The following PDE11A variants were observed in gnomAD, a reference collection of about 807,000 sequenced individuals.
PDE11A encodes the protein phosphodiesterase 11A.
PDE11A carries 100 observed loss-of-function variants against 100.5 expected under a neutral mutation model. The ratio of observed to expected loss-of-function variants is 1.00; its 90% confidence interval spans 0.85 to 1.18. The LOEUF (loss-of-function observed/expected upper bound fraction) is 1.18. Among genes scored for constraint, PDE11A ranks in the 50% most tolerant of loss-of-function variants. The pLI is 0.00. For synonymous variants in PDE11A, 381 were observed against 420.8 expected (o/e 0.91, Z 1.16); for missense variants, 1,141 against 1,152.6 (o/e 0.99, Z 0.15).
chr2:177,840,996 T>C (rs1030498821), intron 5 of PDE11A, among the ~76,000 whole-genome samples: 1 of 152,230 alleles, frequency 6.6e-6, no homozygotes, highest in African/African-American at 2.4e-5. Flanking sequence ...ATAGCCCATA[T>C]ACCACTTACA....
intron 2 of PDE11A, among the ~76,000 whole-genome samples, chr2:177,916,927 A>ATTTTTTT (rs1183483256): frequency 1.2e-4 from 13 of 105,306 alleles, no homozygotes; most frequent in African/African-American, 2.1e-4. Flanking sequence ...CGCCCGGCTA[A>ATTTTTTT]TTTTTTTTTT....
chr2:177,830,601 A>AAATAATAATAATAAT (rs56365605), intron 6 of PDE11A, among the ~76,000 whole-genome samples: 16 of 140,032 alleles, frequency 1.1e-4, no homozygotes, highest in African/African-American at 3.7e-4. Flanking sequence ...ACTCCATCTC[A>AAATAATAATAATAAT]AATAATAATA....
chr2:177,843,369 G>A (rs2083522070), intron 5 of PDE11A, among the ~76,000 whole-genome samples: 1 of 152,166 alleles, frequency 6.6e-6, no homozygotes, highest in African/African-American at 2.4e-5. Flanking sequence ...GAACAAATAG[G>A]GAGGGGCAGT....
intron 2 of PDE11A, among the ~76,000 whole-genome samples, chr2:177,945,412 G>A (rs1478671240): frequency 7.0e-6 from 1 of 143,030 alleles, no homozygotes; most frequent in African/African-American, 2.5e-5. Flanking sequence ...TCTAGGAAGT[G>A]AGGAGCGTCT....
chr2:177,804,558 A>G (rs1041545776), intron 9 of PDE11A, among the ~76,000 whole-genome samples: 3 of 152,042 alleles, frequency 2.0e-5, no homozygotes, highest in African/African-American at 7.2e-5. Context: ...TCAATCCAGT[A>G]ATCCTACTAC....
rs978766579 is a variant in PDE11A, at chr2:178,071,847, T to C, written c.591A>G (p.Lys197=). The change falls in exon 1 of 20, where the codon AAA becomes AAG. Residue 197 remains lysine (K), a synonymous_variant. Transcript: ENST00000286063. ...GAAAGAACTGACGCTCATTATGCTT[T>C]TTCAGATGGCACTTGTAGTCGATGG... ...PTAIDYKCHL[K]KHNERQFFLE... The C allele has an allele frequency of 9.9e-6, 16 of 1,613,988 alleles. No individual in the cohort carries two copies. The Admixed American group carries it at 1.7e-4, about 17-fold the overall frequency.
chr2:177,922,578 A>C (rs76845916), intron 2 of PDE11A: 1 of 530,586 alleles, frequency 1.9e-6, no homozygotes, highest in Non-Finnish European at 2.4e-6. Context: ...GAACCCAAAA[A>C]CCTGGAGCCA....
chr2:177,820,383 C>T (rs1039446800), intron 6 of PDE11A, 88 bp from the exon 7 acceptor site: 17 of 803,698 alleles, frequency 2.1e-5, no homozygotes, highest in Non-Finnish European at 3.6e-5. Context: ...AACAGATATT[C>T]AAAAATAACT....
intron 2 of PDE11A, among the ~76,000 whole-genome samples, chr2:177,993,936 AT>A (rs10622468): frequency 0.062 from 8,730 of 140,958 alleles, 272 homozygotes; most frequent in South Asian, 0.094. Flanking sequence ...GCAAATGTAA[AT>A]TTTTTTTTTT....
chr2:177,834,882 C>T (rs2083368699), intron 6 of PDE11A, among the ~76,000 whole-genome samples: 1 of 151,906 alleles, frequency 6.6e-6, no homozygotes, highest in African/African-American at 2.4e-5. Flanking sequence ...TCTTGTTAGG[C>T]CAGGACCCAA....
intron 1 of PDE11A, among the ~76,000 whole-genome samples, chr2:178,034,974 C>CAAG (rs781429809): frequency 2.3e-4 from 35 of 152,030 alleles, no homozygotes; most frequent in Non-Finnish European, 4.1e-4. Flanking sequence ...ACTAGAGAAG[C>CAAG]AAGAGCAAAC....
At chr2:177,839,617 A>G (rs1333360904) in intron 6 of PDE11A, among the ~76,000 whole-genome samples, 1 of 152,124 alleles carries the variant, frequency 6.6e-6, no homozygotes, top group Non-Finnish European at 1.5e-5. Context: ...CCTGGAACAC[A>G]CATCTCCTTA....
rs920272482 is a variant in PDE11A, at chr2:177,625,331, T to G, written c.*4076A>C. 3 of 152,652 alleles carry G rather than the reference T, an allele frequency of 2.0e-5. No individual in the cohort carries two copies. Among genetic ancestry groups the G allele is most frequent in the Non-Finnish European group, 2.9e-5 (2 of 68,048 alleles). 9.5% of individuals were successfully genotyped at this position (152,652 alleles called of 1,614,324 possible). On this transcript the variant is annotated 3_prime_UTR_variant, in exon 20 of 20. Coordinates refer to ENST00000286063, the MANE Select transcript of PDE11A (RefSeq NM_016953.4). ...CTTTGGTGTGGGGACTGAATAAAAGTCAGTGCTTTTATGTAATAGATGGAG... is the reference window on the plus strand; with the variant it reads ...CTTTGGTGTGGGGACTGAATAAAAGGCAGTGCTTTTATGTAATAGATGGAG...
At chr2:178,061,305 G>T (rs1189928270) in intron 1 of PDE11A, among the ~76,000 whole-genome samples, 1 of 152,000 alleles carries the variant, frequency 6.6e-6, no homozygotes. Flanking sequence ...AAATTGTCCA[G>T]ACTAGGCAAG....
intron 5 of PDE11A, among the ~76,000 whole-genome samples, chr2:177,854,298 T>A (rs775629711): frequency 1.1e-4 from 17 of 151,968 alleles, no homozygotes; most frequent in Non-Finnish European, 2.5e-4. Context: ...AGCATTTGAG[T>A]CTTCATATTC....
chr2:177,998,632 G>C (rs2086106410), intron 2 of PDE11A: 1 of 1,291,562 alleles, frequency 7.7e-7, no homozygotes, highest in Admixed American at 1.7e-5. Flanking sequence ...AGAATAAATT[G>C]AGCTGCTAAT....
intron 9 of PDE11A, among the ~76,000 whole-genome samples, chr2:177,779,268 C>T (rs781222325): frequency 3.3e-5 from 5 of 152,158 alleles, no homozygotes; most frequent in Admixed American, 2.0e-4. Context: ...AATATTTTTG[C>T]TGGTGGAGGG....
intron 4 of PDE11A, among the ~76,000 whole-genome samples, chr2:177,896,921 A>G (rs1197675508): frequency 6.6e-6 from 1 of 152,132 alleles, no homozygotes; most frequent in Non-Finnish European, 1.5e-5. Context: ...AACCGCACTG[A>G]CTGAAACAGA....
chr2:177,958,092 T>C (rs1456249897), intron 2 of PDE11A, among the ~76,000 whole-genome samples: 3 of 152,050 alleles, frequency 2.0e-5, no homozygotes, highest in Non-Finnish European at 4.4e-5. Context: ...GGTTTCATCA[T>C]GTTGGCTAGG....
Sources: allele counts gnomAD v4.1 joint callset (sites outside exome capture counted in the v4.1 genomes callset), GRCh38; gene constraint gnomAD v4.1.1; transcripts MANE v1.5; gene names NCBI Gene and HGNC (gene_info 2026-07-23, HGNC 2026-07-21).